SLC17A8: variants seen among roughly 807,000 people sequenced by gnomAD.
SLC17A8 encodes the protein vesicular glutamate transporter 3.
A neutral mutation model predicts 58.0 loss-of-function variants in SLC17A8; 31 were observed. That is an observed-to-expected ratio of 0.53 (90% confidence interval 0.40 to 0.72). The LOEUF (loss-of-function observed/expected upper bound fraction) is 0.72. SLC17A8 is among the 30% of genes least tolerant of loss of function. The probability of loss-of-function intolerance (pLI) is 0.00; values close to 1 mark genes in which losing one functional copy is unlikely to be tolerated. For missense variants in SLC17A8, 655 were observed against 727.8 expected, an observed-to-expected ratio of 0.90 and a Z score of 1.15; for synonymous variants, 228 against 249.0, an observed-to-expected ratio of 0.92 and a Z score of 0.79.
At chr12:100,403,080 C>T (rs1180654457) in intron 8 of SLC17A8, among the ~76,000 whole-genome samples, 2 of 152,116 alleles carry the variant, frequency 1.3e-5, no homozygotes. Flanking sequence ...CTGTAAGCTA[C>T]TCAGTGAGTA....
At chr12:100,372,212 G>C (rs1313418502) in intron 1 of SLC17A8, among the ~76,000 whole-genome samples, 1 of 152,164 alleles carries the variant, frequency 6.6e-6, no homozygotes, top group Non-Finnish European at 1.5e-5. Context: ...CTGGAAGCTA[G>C]AAGTCCAAGA....
chr12:100,359,060 A>G (rs1013189382), intron 1 of SLC17A8, among the ~76,000 whole-genome samples: 2 of 152,140 alleles, frequency 1.3e-5, no homozygotes, highest in African/African-American at 4.8e-5. Context: ...GCTTGAGCCC[A>G]GACATTCAAG....
At chr12:100,362,966 CAGG>C (rs1351351008) in intron 1 of SLC17A8, among the ~76,000 whole-genome samples, 2 of 152,192 alleles carry the variant, frequency 1.3e-5, no homozygotes, top group Non-Finnish European at 2.9e-5. Context: ...AAGGCAGTAT[CAGG>C]AGATGTCCCA....
rs1017527777 is a variant in SLC17A8, at chr12:100,380,913, A to G, written c.314A>G (p.Asn105Ser). ...NLGVAIVEMVNNSTVYVDGKP... is the reference protein window; with the variant it reads ...NLGVAIVEMVSNSTVYVDGKP... ...GGAGTTGCCATTGTGGAAATGGTCAACAATAGCACCGTATATGTTGATGGA... is the reference window on the plus strand; with the variant it reads ...GGAGTTGCCATTGTGGAAATGGTCAGCAATAGCACCGTATATGTTGATGGA... Residue 105 changes from asparagine (N) to serine (S), a missense_variant, in exon 2 of 12, where the codon AAC (asparagine) becomes AGC (serine). Asn to Ser is a conservative substitution (Grantham distance 46). Coordinates refer to ENST00000323346, the MANE Select transcript of SLC17A8 (RefSeq NM_139319.3). The G allele has an allele frequency of 1.7e-5, 28 of 1,614,186 alleles. No individual in the cohort carries two copies. The highest frequency in any genetic ancestry group is 2.2e-5 in the Non-Finnish European group (26 of 1,180,050).
chr12:100,412,963 C>T lies in SLC17A8; in HGVS notation c.1297+83C>T, dbSNP rs1223544018. 5.5e-6 allele frequency: 6 copies of T among 1,097,220 alleles called. No individual in the cohort carries two copies. In the East Asian group the frequency reaches 1.4e-4, roughly 26 times the overall value. 68.0% of individuals were successfully genotyped at this position (1,097,220 alleles called of 1,614,324 possible). On this transcript the variant is annotated intron_variant, in intron 10 of 11. Coordinates refer to ENST00000323346, the MANE Select transcript of SLC17A8 (RefSeq NM_139319.3). ...AAGGAAGGACAAGGATATTGTAGCA[C>T]CTTCTTTCAGTAGCCAGTCCATTCT... is the stretch of plus-strand genomic sequence containing the variant.
Position 100,383,998 on chromosome 12 carries a change from G to C in SLC17A8, c.354+3045G>C, listed in dbSNP as rs545493231. On this transcript the variant is annotated intron_variant, in intron 2 of 11. Transcript: ENST00000323346. ...GGGACAAGCATGCACCACTGTGCCT[G>C]GCCCATATTTTAAATTTAATAGTTA... 1.5e-4 allele frequency among the ~76,000 whole-genome samples: 23 copies of C among 152,202 alleles called. No individual in the cohort carries two copies. In the East Asian group the frequency reaches 3.1e-3, roughly 20 times the overall value.
rs1278162876 is a variant in SLC17A8 at position 100,380,851 on chromosome 12, G to GGGATTCT, written c.254_260dup (p.Cys87TrpfsTer23). On this transcript the variant is annotated frameshift_variant, in exon 2 of 12. Transcript: ENST00000323346. LOFTEE classifies it high-confidence loss of function. ...ACATCATTGCTATCATGAGTGGGCT[G>GGGATTCT]GGATTCTGCATTTCCTTTGGGATCC... is the stretch of plus-strand genomic sequence containing the variant. 6.2e-7 allele frequency: 1 copy of GGGATTCT among 1,614,016 alleles called. No homozygotes were observed. Among genetic ancestry groups the GGGATTCT allele is most frequent in the Non-Finnish European group, 8.5e-7 (1 of 1,180,038 alleles).
Position 100,381,006 on chromosome 12 carries a change from C to G in SLC17A8, c.354+53C>G, listed in dbSNP as rs545678312. 12 of 1,606,676 alleles carry G rather than the reference C, an allele frequency of 7.5e-6. 1 individual carries two copies. The highest frequency in any genetic ancestry group is 2.2e-4 in the Middle Eastern group (1 of 4,612). On this transcript the variant is annotated intron_variant, in intron 2 of 11. Coordinates refer to ENST00000323346, the MANE Select transcript of SLC17A8 (RefSeq NM_139319.3). Reference sequence around the variant, plus strand: ...TTTCTTTTTGAGACAGGGTCTCGCTCGGTCTCCCAGGCTAGAGTACAGTGG... The same window carrying G: ...TTTCTTTTTGAGACAGGGTCTCGCTGGGTCTCCCAGGCTAGAGTACAGTGG...
At position 100,396,406 on chromosome 12, in the gene SLC17A8, C is replaced by A. The variant is rs1308704946; in HGVS notation, c.665C>A (p.Thr222Asn). 1.2e-6 allele frequency: 2 copies of A among 1,613,702 alleles called. No individual in the cohort carries two copies. The highest frequency in any genetic ancestry group is 1.7e-6 in the Non-Finnish European group (2 of 1,179,706). Residue 222 changes from threonine (T) to asparagine (N), a missense_variant, in exon 5 of 12, where the codon ACC becomes AAC. Physicochemically the swap from Thr to Asn is moderately conservative, Grantham distance 65. Transcript: ENST00000323346. Reference sequence around the variant, plus strand: ...TTGGAGAGAAGCCGACTGGCCACAACCTCTTTTTGTGGTGGGTATATTAGA... The same window carrying A: ...TTGGAGAGAAGCCGACTGGCCACAAACTCTTTTTGTGGTGGGTATATTAGA... ...PPLERSRLAT[T>N]SFCGSYAGAV...
At chr12:100,419,535 A>G (rs1168132196) in intron 11 of SLC17A8, among the ~76,000 whole-genome samples, 1 of 151,538 alleles carries the variant, frequency 6.6e-6, no homozygotes, top group African/African-American at 2.4e-5. Context: ...TCCATCTCAA[A>G]AAAAAAAAAA....
rs73376022 is a variant in SLC17A8, at chr12:100,405,191, G to T, written c.1186+1021G>T. Among the ~76,000 whole-genome samples the T allele has an allele frequency of 5.0e-3, 758 of 152,322 alleles. 11 individuals are homozygous for T. The highest frequency in any genetic ancestry group is 0.017 in the African/African-American group (724 of 41,570). ...TCCTTGACTGCTGGTCCCAGGCAGG[G>T]ATGTGTGGGCCTGACCTTAGCTTGA... On this transcript the variant is annotated intron_variant, in intron 9 of 11. Coordinates refer to ENST00000323346, the MANE Select transcript of SLC17A8 (RefSeq NM_139319.3).
At chr12:100,372,113 T>G (rs772768035) in intron 1 of SLC17A8, among the ~76,000 whole-genome samples, 3 of 152,094 alleles carry the variant, frequency 2.0e-5, no homozygotes, top group African/African-American at 7.2e-5. Context: ...GAGGGCAAAT[T>G]TGAATGCTGT....
Position 100,380,826 on chromosome 12 carries a change from A to G in SLC17A8, c.227A>G (p.Tyr76Cys). 1 of 1,614,126 alleles carries G rather than the reference A, an allele frequency of 6.2e-7. No individual in the cohort carries two copies. Among genetic ancestry groups the G allele is most frequent in the Non-Finnish European group, 8.5e-7 (1 of 1,180,022 alleles). ...DCHCCGLPKRYIIAIMSGLGF... is the reference protein window; with the variant it reads ...DCHCCGLPKRCIIAIMSGLGF... ...CACTGCTGCGGCCTCCCCAAGCGTT[A>G]CATCATTGCTATCATGAGTGGGCTG... The change falls in exon 2 of 12, where the codon TAC (tyrosine) becomes TGC (cysteine). Residue 76 changes from tyrosine (Y) to cysteine (C), a missense_variant. By Grantham distance (194) the Tyr-to-Cys change is radical (BLOSUM62 -2). Transcript: ENST00000323346.
chr12:100,372,133 C>A (rs1480791182), intron 1 of SLC17A8, among the ~76,000 whole-genome samples: 2 of 152,094 alleles, frequency 1.3e-5, no homozygotes, highest in African/African-American at 4.8e-5. Flanking sequence ...TATTTGTTTG[C>A]TAGGGCTGCC....
chr12:100,366,486 C>T (rs376007611), intron 1 of SLC17A8, among the ~76,000 whole-genome samples: 1 of 152,174 alleles, frequency 6.6e-6, no homozygotes, highest in Non-Finnish European at 1.5e-5. Context: ...TGAGTATCAA[C>T]ATCAATTTGC....
chr12:100,380,171 C>T (rs1431643448), intron 1 of SLC17A8, among the ~76,000 whole-genome samples: 2 of 138,294 alleles, frequency 1.4e-5, no homozygotes, highest in Admixed American at 8.0e-5. Context: ...TGCATTCCAG[C>T]CTGGGCAACG....
At position 100,403,460 on chromosome 12, in the gene SLC17A8, C is replaced by A. The variant is rs112199196; in HGVS notation, c.1054-578C>A. Among the ~76,000 whole-genome samples the A allele has an allele frequency of 5.0e-3, 754 of 149,924 alleles. 11 individuals are homozygous for A. The highest frequency in any genetic ancestry group is 0.018 in the African/African-American group (720 of 40,698). On this transcript the variant is annotated intron_variant, in intron 8 of 11. Transcript: ENST00000323346. ...CTCCAGCCTGGGCAACAGAGCAAGA[C>A]TCTGTCTAAAAAAAAAAAAGAAGAA...
intron 9 of SLC17A8, among the ~76,000 whole-genome samples, chr12:100,408,200 T>G (rs781169367): frequency 2.0e-5 from 3 of 152,252 alleles, no homozygotes; most frequent in African/African-American, 7.2e-5. Context: ...GCCTGTCATC[T>G]TTTATTTCCA....
intron 1 of SLC17A8, among the ~76,000 whole-genome samples, chr12:100,374,746 A>G (rs60171287): frequency 0.038 from 5,714 of 152,220 alleles, 311 homozygotes; most frequent in African/African-American, 0.12. Context: ...ACAACTCAGG[A>G]GGTCCTGCTA....
Sources: allele counts gnomAD v4.1 joint callset (sites outside exome capture counted in the v4.1 genomes callset), GRCh38; gene constraint gnomAD v4.1.1; transcripts MANE v1.5; gene names NCBI Gene and HGNC (gene_info 2026-07-23, HGNC 2026-07-21).